MAPK10: variants seen among roughly 807,000 people sequenced by gnomAD.
MAPK10 encodes JNK3 alpha protein kinase.
In MAPK10, 25 loss-of-function variants were observed where a neutral mutation model predicts 59.3. The observed-to-expected ratio is 0.42, with a 90% CI of 0.31 to 0.59. The LOEUF (loss-of-function observed/expected upper bound fraction) is 0.59, where lower values mean the gene tolerates loss of function less well. Ranked by LOEUF, MAPK10 falls within the 20% of genes least tolerant of loss-of-function variation. The pLI is 0.15. For missense variants in MAPK10, 351 were observed against 568.9 expected, an observed-to-expected ratio of 0.62 and a Z score of 3.90; for synonymous variants, 190 against 200.5, an observed-to-expected ratio of 0.95 and a Z score of 0.44.
chr4:86,466,763 A>C (rs1752243853), intron 1 of MAPK10, among the ~76,000 whole-genome samples: 1 of 152,170 alleles, frequency 6.6e-6, no homozygotes, highest in African/African-American at 2.4e-5. Flanking sequence ...GGTTTGGGAC[A>C]CCTAGTGTGG....
rs377050663 is a variant in MAPK10 at position 86,264,096 on chromosome 4, T to A, written c.-6-69689A>T. On this transcript the variant is annotated intron_variant, in intron 2 of 13. Transcript: ENST00000641462. ...ATATAAAGAGCAGAAAAGTTATATG[T>A]TCCAGAATTTTATTATTTTATTTCT... 5.3e-5 allele frequency among the ~76,000 whole-genome samples: 8 copies of A among 152,348 alleles called. No individual in the cohort carries two copies. In the South Asian group the frequency reaches 8.3e-4, roughly 16 times the overall value.
At chr4:86,505,467 G>T (rs1010577730) in intron 1 of MAPK10, among the ~76,000 whole-genome samples, 2 of 151,926 alleles carry the variant, frequency 1.3e-5, no homozygotes, top group South Asian at 4.1e-4. Flanking sequence ...GTGGTGGCAT[G>T]CATCTGTAAT....
chr4:86,301,526 A>G (rs2095473004), intron 2 of MAPK10, among the ~76,000 whole-genome samples: 1 of 152,170 alleles, frequency 6.6e-6, no homozygotes, highest in South Asian at 2.1e-4. Context: ...TAATATACTT[A>G]GCAATGATCT....
At chr4:86,214,990 C>G (rs2087033904) in intron 2 of MAPK10, among the ~76,000 whole-genome samples, 1 of 152,108 alleles carries the variant, frequency 6.6e-6, no homozygotes, top group African/African-American at 2.4e-5. Context: ...CGGAAGGACC[C>G]ACACTTCCTG....
intron 4 of MAPK10, among the ~76,000 whole-genome samples, chr4:86,107,875 T>A (rs1016660980): frequency 2.0e-5 from 3 of 152,126 alleles, no homozygotes; most frequent in African/African-American, 7.2e-5. Flanking sequence ...TTTGTTATTG[T>A]TTTTTAGAAA....
chr4:86,574,476 G>A (rs553955294), intron 1 of MAPK10, among the ~76,000 whole-genome samples: 238 of 151,700 alleles, frequency 1.6e-3, no homozygotes, highest in Non-Finnish European at 2.9e-3. Flanking sequence ...CTGAGGAGTC[G>A]CCACACTGAC....
At chr4:86,379,886 C>T (rs549869797) in intron 1 of MAPK10, among the ~76,000 whole-genome samples, 4 of 152,236 alleles carry the variant, frequency 2.6e-5, no homozygotes, top group African/African-American at 4.8e-5. Flanking sequence ...CCTCTAGCAC[C>T]GCTGGGTTAG....
At chr4:86,241,682 T>C (rs1383247597) in intron 2 of MAPK10, among the ~76,000 whole-genome samples, 1 of 152,162 alleles carries the variant, frequency 6.6e-6, no homozygotes, top group Non-Finnish European at 1.5e-5. Context: ...TCCATCTGGT[T>C]GTTTATGTTC....
At chr4:86,248,517 G>A (rs2093242349) in intron 2 of MAPK10, among the ~76,000 whole-genome samples, 2 of 152,152 alleles carry the variant, frequency 1.3e-5, no homozygotes, top group African/African-American at 4.8e-5. Flanking sequence ...AGGCAGCCTA[G>A]AAGTTAGTAG....
intron 1 of MAPK10, among the ~76,000 whole-genome samples, chr4:86,583,187 C>G (rs779664033): frequency 2.6e-5 from 4 of 151,004 alleles, no homozygotes; most frequent in Non-Finnish European, 4.4e-5. Context: ...ATTTTCTTTT[C>G]TTTTTTTTTG....
intron 11 of MAPK10, among the ~76,000 whole-genome samples, chr4:86,054,730 C>T (rs1298550969): frequency 2.0e-5 from 3 of 152,166 alleles, no homozygotes; most frequent in African/African-American, 7.2e-5. Context: ...TAGAGTTCAA[C>T]TCCACACTGA....
chr4:86,240,817 T>C (rs1478647180), intron 2 of MAPK10, among the ~76,000 whole-genome samples: 4 of 152,222 alleles, frequency 2.6e-5, no homozygotes. Context: ...ATCTTTTAAT[T>C]GGGGCATTTA....
At position 86,559,157 on chromosome 4, in the gene MAPK10, A is replaced by C. The variant is rs114880941; in HGVS notation, c.-263+34753T>G. ...AGCAAAATGAAAAATAATATACATTATTTTTCCTTTTCTTCTTGAGACATC... is the reference window on the plus strand; with the variant it reads ...AGCAAAATGAAAAATAATATACATTCTTTTTCCTTTTCTTCTTGAGACATC... On this transcript the variant is annotated intron_variant, in intron 1 of 4. Coordinates refer to the MAPK10 transcript ENST00000502302. Among the ~76,000 whole-genome samples the C allele has an allele frequency of 9.4e-3, 1,431 of 151,724 alleles. 6 individuals carry two copies. The highest frequency in any genetic ancestry group is 0.014 in the Non-Finnish European group (959 of 67,910).
intron 1 of MAPK10, among the ~76,000 whole-genome samples, chr4:86,522,333 G>C: frequency 6.6e-6 from 1 of 152,174 alleles, no homozygotes; most frequent in Admixed American, 6.5e-5. Flanking sequence ...TTGCCTATTA[G>C]GCTCTAGTAT....
intron 4 of MAPK10, among the ~76,000 whole-genome samples, chr4:86,135,324 T>A (rs533590126): frequency 6.6e-6 from 1 of 152,140 alleles, no homozygotes; most frequent in South Asian, 2.1e-4. Flanking sequence ...TCTCCCAGCA[T>A]ACAGCTGGAG....
At chr4:86,036,004 AC>A (rs1389828555) in intron 11 of MAPK10, among the ~76,000 whole-genome samples, 1 of 152,170 alleles carries the variant, frequency 6.6e-6, no homozygotes, top group East Asian at 1.9e-4. Flanking sequence ...TAAAGATTGG[AC>A]AGAGGAAGGT....
chr4:86,439,778 CTTGTTTT>C (rs1278207279), intron 1 of MAPK10, among the ~76,000 whole-genome samples: 1 of 152,046 alleles, frequency 6.6e-6, no homozygotes, highest in East Asian at 1.9e-4. Flanking sequence ...TTGTTTGTTT[CTTGTTTT>C]TTGTTTTAGC....
chr4:86,409,173 G>T (rs927496274), intron 1 of MAPK10, among the ~76,000 whole-genome samples: 1 of 152,080 alleles, frequency 6.6e-6, no homozygotes, highest in African/African-American at 2.4e-5. Context: ...TTTCCCCATG[G>T]CTTGTTTTTG....
chr4:86,226,480 CATT>C (rs2090641932), intron 2 of MAPK10, among the ~76,000 whole-genome samples: 1 of 152,236 alleles, frequency 6.6e-6, no homozygotes, highest in African/African-American at 2.4e-5. Flanking sequence ...TATCATACCA[CATT>C]ATGCCAGAGT....
Sources: allele counts gnomAD v4.1 joint callset (sites outside exome capture counted in the v4.1 genomes callset), GRCh38; gene constraint gnomAD v4.1.1; transcripts MANE v1.5; gene names NCBI Gene and HGNC (gene_info 2026-07-23, HGNC 2026-07-21).